KCNN2: variants seen among roughly 807,000 people sequenced by gnomAD.
The protein encoded by KCNN2 is potassium calcium-activated channel subfamily N member 2, also known as small conductance calcium-activated potassium channel protein 2.
KCNN2 carries 24 observed loss-of-function variants against 55.5 expected under a neutral mutation model. The observed-to-expected ratio is 0.43, with a 90% CI of 0.31 to 0.61. KCNN2 has a LOEUF of 0.61. KCNN2 is among the 20% of genes least tolerant of loss of function. KCNN2 has a pLI of 0.08. For missense variants in KCNN2, 754 were observed against 853.6 expected, an observed-to-expected ratio of 0.88 and a Z score of 1.45; for synonymous variants, 431 against 336.1, an observed-to-expected ratio of 1.28 and a Z score of -3.09.
chr5:114,236,985 C>T (rs1461520750), intron 2 of KCNN2, among the ~76,000 whole-genome samples: 1 of 152,010 alleles, frequency 6.6e-6, no homozygotes, highest in Non-Finnish European at 1.5e-5. Flanking sequence ...TCAAGCCTCC[C>T]AAGGAAAAAC....
rs536045184 is a variant in KCNN2 at position 114,324,680 on chromosome 5, C to A, written c.-184-36265C>A. On this transcript the variant is annotated intron_variant, in intron 2 of 10. Coordinates refer to the KCNN2 transcript ENST00000512097. Reference sequence around the variant, plus strand: ...CTAAGTTTGTGATAATTTGTTACAGCAGCAATAGACAGGAATCCAGATTTT... The same window carrying A: ...CTAAGTTTGTGATAATTTGTTACAGAAGCAATAGACAGGAATCCAGATTTT... Among the ~76,000 whole-genome samples, 269 of 152,310 alleles carry A rather than the reference C, an allele frequency of 1.8e-3. 1 individual carries two copies. The highest frequency in any genetic ancestry group is 3.3e-3 in the Non-Finnish European group (225 of 68,030).
intron 5 of KCNN2, among the ~76,000 whole-genome samples, chr5:114,480,279 G>A (rs528666274): frequency 6.1e-4 from 92 of 152,016 alleles, no homozygotes; most frequent in South Asian, 2.5e-3. Context: ...ATAAATTCCC[G>A]GACACATAAT....
chr5:114,431,291 CT>C (rs1477424021), intron 3 of KCNN2, among the ~76,000 whole-genome samples: 1 of 151,278 alleles, frequency 6.6e-6, no homozygotes, highest in African/African-American at 2.4e-5. Context: ...TCTTTAGTTA[CT>C]TTTTTTTTCT....
intron 3 of KCNN2, among the ~76,000 whole-genome samples, chr5:114,439,566 G>T (rs1760134662): frequency 6.6e-6 from 1 of 152,084 alleles, no homozygotes; most frequent in African/African-American, 2.4e-5. Flanking sequence ...GATTTCACTG[G>T]TCTTGGGTTG....
At chr5:114,111,311 A>G (rs1751591316) in intron 1 of KCNN2, among the ~76,000 whole-genome samples, 1 of 152,184 alleles carries the variant, frequency 6.6e-6, no homozygotes, top group Admixed American at 6.5e-5. Context: ...CTTTCCTTAC[A>G]CCTTATATAA....
chr5:114,241,506 T>A (rs1041968357), intron 2 of KCNN2, among the ~76,000 whole-genome samples: 44 of 151,394 alleles, frequency 2.9e-4, no homozygotes, highest in African/African-American at 9.9e-4. Context: ...TATTAATACG[T>A]ATAGGAAGTT....
chr5:114,190,694 G>T (rs989133030), intron 1 of KCNN2, among the ~76,000 whole-genome samples: 1 of 152,032 alleles, frequency 6.6e-6, no homozygotes, highest in African/African-American at 2.4e-5. Flanking sequence ...TTTAATGTTT[G>T]TGAATTCTGG....
intron 1 of KCNN2, among the ~76,000 whole-genome samples, chr5:114,166,389 T>C (rs780327580): frequency 1.3e-5 from 2 of 152,184 alleles, no homozygotes; most frequent in Non-Finnish European, 2.9e-5. Context: ...TGTTACATGC[T>C]GCCTTCGCGG....
At chr5:114,420,830 T>C (rs933541704) in intron 3 of KCNN2, among the ~76,000 whole-genome samples, 2 of 152,242 alleles carry the variant, frequency 1.3e-5, no homozygotes, top group Non-Finnish European at 2.9e-5. Context: ...TGCTATTTGA[T>C]CCTTCAGACA....
At position 114,078,847 on chromosome 5, in the gene KCNN2, A is replaced by T. The variant is rs151333395; in HGVS notation, c.-271+22347A>T. Among the ~76,000 whole-genome samples the T allele has an allele frequency of 5.9e-3, 893 of 152,334 alleles. 3 individuals are homozygous for T. The highest frequency in any genetic ancestry group is 0.027 in the Middle Eastern group (8 of 294). ...CAGGAATCTAAACTTGATACATCAT[A>T]TTCAATTACCTCTGCCTGCAGAGCA... On this transcript the variant is annotated intron_variant, in intron 1 of 10. Transcript: ENST00000512097.
intron 6 of KCNN2, among the ~76,000 whole-genome samples, chr5:114,488,113 C>T (rs1747664143): frequency 6.6e-6 from 1 of 152,144 alleles, no homozygotes; most frequent in African/African-American, 2.4e-5. Flanking sequence ...TAGGAAATTA[C>T]TAAGCATTCA....
intron 1 of KCNN2, among the ~76,000 whole-genome samples, chr5:114,169,994 C>G (rs951090740): frequency 2.6e-5 from 4 of 152,028 alleles, no homozygotes; most frequent in African/African-American, 9.7e-5. Context: ...GCACACCTTC[C>G]TGCTATTGTA....
chr5:114,344,348 G>A (rs140346630), intron 2 of KCNN2, among the ~76,000 whole-genome samples: 1 of 152,212 alleles, frequency 6.6e-6, no homozygotes, highest in African/African-American at 2.4e-5. Flanking sequence ...TCACAGCAAA[G>A]AATGCAGATG....
chr5:114,172,711 A>C (rs996985838), intron 1 of KCNN2, among the ~76,000 whole-genome samples: 3 of 151,086 alleles, frequency 2.0e-5, no homozygotes, highest in Non-Finnish European at 4.4e-5. Flanking sequence ...GCACCTTTTC[A>C]TATGCCTGTT....
At chr5:114,345,969 G>T (rs552280247) in intron 2 of KCNN2, among the ~76,000 whole-genome samples, 1 of 152,104 alleles carries the variant, frequency 6.6e-6, no homozygotes, top group Admixed American at 6.5e-5. Context: ...TTTTAGTAGA[G>T]ACAGGGTCTC....
chr5:114,301,770 A>G (rs973386897), intron 2 of KCNN2, among the ~76,000 whole-genome samples: 3 of 152,222 alleles, frequency 2.0e-5, no homozygotes, highest in African/African-American at 4.8e-5. Context: ...TCTACTCAGC[A>G]CTGGACAGAT....
chr5:114,330,667 T>C (rs2150032942), intron 2 of KCNN2, among the ~76,000 whole-genome samples: 1 of 152,286 alleles, frequency 6.6e-6, no homozygotes, highest in Non-Finnish European at 1.5e-5. Flanking sequence ...TCAATCTGTC[T>C]GACAAATTCC....
At position 114,094,407 on chromosome 5, in the gene KCNN2, C is replaced by T. The variant is rs563516055; in HGVS notation, c.-271+37907C>T. 1.9e-4 allele frequency among the ~76,000 whole-genome samples: 29 copies of T among 152,328 alleles called. No homozygotes were observed. In the East Asian group the frequency reaches 3.1e-3, roughly 16 times the overall value. On this transcript the variant is annotated intron_variant, in intron 1 of 10. Coordinates refer to the KCNN2 transcript ENST00000512097. ...TACCATTGCAGAATCTTTCGAAAGA[C>T]TCTGTAGTTGTCTAGTCAGGGTAGA...
intron 6 of KCNN2, 140 bp from the exon 7 acceptor site, chr5:114,493,263 C>G (rs1414437350): frequency 4.1e-6 from 3 of 725,372 alleles, no homozygotes; most frequent in Non-Finnish European, 5.1e-6. Context: ...AGACACATAA[C>G]CAGTTTGGAC....
Sources: gnomAD v4.1 joint callset for allele counts (sites outside exome capture counted in the v4.1 genomes callset) on GRCh38, gnomAD v4.1.1 for gene constraint, MANE v1.5 for transcripts, NCBI Gene and HGNC (gene_info 2026-07-23, HGNC 2026-07-21) for gene names.